The following COP1 variants were observed in gnomAD, a reference collection of about 807,000 sequenced individuals.
The protein encoded by COP1 is COP1 E3 ubiquitin ligase.
COP1 carries 24 observed loss-of-function variants against 101.3 expected under a neutral mutation model. The observed-to-expected ratio is 0.24, with a 90% confidence interval of 0.17 to 0.33. The LOEUF (loss-of-function observed/expected upper bound fraction) is 0.33, where lower values mean the gene tolerates loss of function less well. Ranked by LOEUF, COP1 falls within the 10% of genes least tolerant of loss-of-function variation. The pLI is 1.00. For missense variants in COP1, 663 were observed against 906.2 expected (o/e 0.73, Z 3.45); for synonymous variants, 347 against 341.9 (o/e 1.01, Z -0.17).
At chr1:176,014,412 T>C (rs974494014) in intron 15 of COP1, among the ~76,000 whole-genome samples, 1 of 152,170 alleles carries the variant, frequency 6.6e-6, no homozygotes, top group Non-Finnish European at 1.5e-5. Flanking sequence ...GCAACCTTTA[T>C]CTCTATTAAA....
chr1:176,203,663 T>C (rs1700526140), intron 1 of COP1, among the ~76,000 whole-genome samples: 2 of 152,234 alleles, frequency 1.3e-5, no homozygotes, highest in Non-Finnish European at 2.9e-5. Flanking sequence ...TGTCCTGTAT[T>C]AGATTCTCCA....
At chr1:175,949,100 T>C (rs1482198408) in intron 18 of COP1, among the ~76,000 whole-genome samples, 1 of 129,408 alleles carries the variant, frequency 7.7e-6, no homozygotes, top group African/African-American at 2.8e-5. Flanking sequence ...GAGGCACAGG[T>C]TGCAGTGAGC....
In COP1 at chr1:175,998,685, C is replaced by T. The variant is rs139120336; in HGVS notation, c.1730-9206G>A. On this transcript the variant is annotated intron_variant, in intron 15 of 19. Transcript: ENST00000367669. ...ATACTCACAGATAGTTCATAATGTA[C>T]AATAGTCCAGAGATGATTTTACCTT... Among the ~76,000 whole-genome samples, 371 of 151,940 alleles carry T rather than the reference C, an allele frequency of 2.4e-3. 3 individuals are homozygous for T. The highest frequency in any genetic ancestry group is 8.6e-3 in the African/African-American group (355 of 41,446).
intron 15 of COP1, among the ~76,000 whole-genome samples, chr1:175,999,490 T>C (rs1221237546): frequency 6.6e-6 from 1 of 151,986 alleles, no homozygotes; most frequent in Non-Finnish European, 1.5e-5. Flanking sequence ...ATGTACCACA[T>C]TTCCCTTATT....
In COP1 at chr1:176,047,803, G is replaced by T. The variant is rs544699133; in HGVS notation, c.1278-1479C>A. On this transcript the variant is annotated intron_variant, in intron 11 of 19. Transcript: ENST00000367669. ...ATTAAGAATATTTCAGGCTGGGTTC[G>T]GTGGCTCATGCCTGCAATCCCAGCA... 2.5e-3 allele frequency among the ~76,000 whole-genome samples: 380 copies of T among 152,202 alleles called. 2 individuals carry two copies. Among genetic ancestry groups the T allele is most frequent in the African/African-American group, 8.9e-3 (371 of 41,514 alleles).
intron 10 of COP1, among the ~76,000 whole-genome samples, chr1:176,084,429 A>G (rs1464361760): frequency 6.6e-6 from 1 of 152,196 alleles, no homozygotes; most frequent in Non-Finnish European, 1.5e-5. Flanking sequence ...CACACTGCCC[A>G]AAGTAATTTA....
intron 9 of COP1, among the ~76,000 whole-genome samples, chr1:176,091,901 TAAAAC>T (rs1037053497): frequency 1.3e-5 from 2 of 152,050 alleles, no homozygotes; most frequent in African/African-American, 4.8e-5. Context: ...AAGAAATACT[TAAAAC>T]AGAGACAAAC....
rs368859421 is a variant in COP1 at position 176,204,453 on chromosome 1, A to G, written c.407+2119T>C. Among the ~76,000 whole-genome samples the G allele has an allele frequency of 2.7e-3, 405 of 150,980 alleles. 3 individuals carry two copies. Among genetic ancestry groups the G allele is most frequent in the African/African-American group, 9.3e-3 (380 of 40,970 alleles). On this transcript the variant is annotated intron_variant, in intron 1 of 19. Coordinates refer to ENST00000367669, the MANE Select transcript of COP1 (RefSeq NM_022457.7). ...ACAAGACCCACAGCCAAACGGGGGG[A>G]AAAAAAAAGAAAAAAAGGATTCCTT...
intron 11 of COP1, among the ~76,000 whole-genome samples, chr1:176,070,392 G>A (rs1402023471): frequency 1.3e-5 from 2 of 150,438 alleles, no homozygotes; most frequent in Non-Finnish European, 2.9e-5. Flanking sequence ...GCCAGGCACG[G>A]TGGCTAACAC....
intron 8 of COP1, among the ~76,000 whole-genome samples, chr1:176,118,834 C>T (rs771841904): frequency 6.6e-6 from 1 of 152,044 alleles, no homozygotes; most frequent in Non-Finnish European, 1.5e-5. Flanking sequence ...GATGGGATAA[C>T]CCCCAAATAC....
At chr1:176,120,249 C>A (rs1032297485) in intron 8 of COP1, among the ~76,000 whole-genome samples, 1 of 151,748 alleles carries the variant, frequency 6.6e-6, no homozygotes, top group African/African-American at 2.4e-5. Flanking sequence ...GGTGAAACCC[C>A]AACTCTACAA....
chr1:175,988,491 C>A (rs1013251318), intron 16 of COP1, 79 bp from the exon 17 acceptor site: 48 of 1,347,196 alleles, frequency 3.6e-5, no homozygotes, highest in Non-Finnish European at 4.8e-5. Context: ...AGAGGCAATG[C>A]AGTTTGCTGG....
intron 15 of COP1, chr1:176,017,507 A>G (rs964738527): frequency 2.6e-5 from 4 of 152,096 alleles, no homozygotes; most frequent in African/African-American, 7.2e-5. Context: ...TTTATCTCAT[A>G]CAGATATCAT....
At chr1:176,142,013 G>A (rs1049498623) in intron 6 of COP1, among the ~76,000 whole-genome samples, 1 of 152,098 alleles carries the variant, frequency 6.6e-6, no homozygotes, top group Non-Finnish European at 1.5e-5. Flanking sequence ...TTACAGGCAT[G>A]AGCCACTGTG....
At chr1:176,177,368 A>G (rs1697108955) in intron 2 of COP1, among the ~76,000 whole-genome samples, 1 of 151,776 alleles carries the variant, frequency 6.6e-6, no homozygotes, top group South Asian at 2.1e-4. Flanking sequence ...AAAAGAAAAA[A>G]GAAAAAAATG....
At chr1:176,191,580 G>A (rs1699117557) in intron 1 of COP1, among the ~76,000 whole-genome samples, 1 of 151,692 alleles carries the variant, frequency 6.6e-6, no homozygotes, top group Admixed American at 6.6e-5. Flanking sequence ...GAAAAAAAAT[G>A]AGTAAAAAGG....
At position 176,121,858 on chromosome 1, in the gene COP1, T is replaced by TA. The variant is rs375642145; in HGVS notation, c.969-5178dup. On this transcript the variant is annotated intron_variant, in intron 8 of 19. Coordinates refer to ENST00000367669, the MANE Select transcript of COP1 (RefSeq NM_022457.7). ...GATTTTTGGCAATATAGTGTGGCCT[T>TA]AAAAAAAAAAGTTTGGTCACGCCTG... Among the ~76,000 whole-genome samples, 1,367 of 147,938 alleles carry TA rather than the reference T, an allele frequency of 9.2e-3. 18 individuals are homozygous for TA. The highest frequency in any genetic ancestry group is 0.032 in the African/African-American group (1,294 of 40,542).
intron 1 of COP1, among the ~76,000 whole-genome samples, chr1:176,194,421 CA>C (rs897197162): frequency 1.3e-5 from 2 of 152,116 alleles, no homozygotes; most frequent in Non-Finnish European, 2.9e-5. Context: ...AGGCGGATCA[CA>C]AAGTCAGGAG....
chr1:176,013,318 A>C (rs1427335110), intron 15 of COP1, among the ~76,000 whole-genome samples: 1 of 152,206 alleles, frequency 6.6e-6, no homozygotes, highest in Non-Finnish European at 1.5e-5. Context: ...TCAGAAATTT[A>C]CTTAGCTAGG....
Sources: gnomAD v4.1 joint callset for allele counts (sites outside exome capture counted in the v4.1 genomes callset) on GRCh38, gnomAD v4.1.1 for gene constraint, MANE v1.5 for transcripts, NCBI Gene and HGNC (gene_info 2026-07-23, HGNC 2026-07-21) for gene names.